The following PAH variants were observed in gnomAD, a reference collection of about 807,000 sequenced individuals.
PAH encodes the protein phenylalanine hydroxylase, also known as phenylalanine-4-hydroxylase.
A neutral mutation model predicts 62.0 loss-of-function variants in PAH; 64 were observed. The ratio of observed to expected loss-of-function variants is 1.03; its 90% CI spans 0.84 to 1.27. The LOEUF (loss-of-function observed/expected upper bound fraction) is 1.27, where lower values mean the gene tolerates loss of function less well. Among genes scored for constraint, PAH ranks in the 50% most tolerant of loss-of-function variants. The probability of loss-of-function intolerance (pLI) is 0.00; values close to 1 mark genes in which losing one functional copy is unlikely to be tolerated. For missense variants in PAH, 579 were observed against 542.8 expected, an observed-to-expected ratio of 1.07 and a Z score of -0.66; for synonymous variants, 195 against 196.2, an observed-to-expected ratio of 0.99 and a Z score of 0.05.
At chr12:102,935,709 C>G (rs924688585) in intron 1 of PAH, among the ~76,000 whole-genome samples, 9 of 149,170 alleles carry the variant, frequency 6.0e-5, no homozygotes, top group African/African-American at 1.2e-4. Flanking sequence ...TCTAATGATC[C>G]TCTAAATTCC....
In PAH at chr12:102,868,038, ACC is replaced by A. The variant is rs1223822408; in HGVS notation, c.442-1377_442-1376del. Reference sequence around the variant, plus strand: ...TATATACATATATACATGTATATACACCTATATATATGTATATATATACACAT... The same window carrying A: ...TATATACATATATACATGTATATACATATATATATGTATATATATACACAT... On this transcript the variant is annotated intron_variant, in intron 4 of 12. Transcript: ENST00000553106. Among the ~76,000 whole-genome samples, 71 of 124,244 alleles carry A rather than the reference ACC, an allele frequency of 5.7e-4. 2 individuals carry two copies. The highest frequency in any genetic ancestry group is 1.5e-3 in the African/African-American group (53 of 34,972). 81.5% of individuals were successfully genotyped at this position (124,244 alleles called of 152,430 possible).
At chr12:102,862,216 T>G (rs989618828) in intron 5 of PAH, among the ~76,000 whole-genome samples, 18 of 152,162 alleles carry the variant, frequency 1.2e-4, no homozygotes, top group African/African-American at 4.3e-4. Context: ...TGGAATACTA[T>G]GTGGCCATAA....
chr12:102,875,950 T>C (rs376922528), intron 4 of PAH, among the ~76,000 whole-genome samples: 1 of 39,080 alleles, frequency 2.6e-5, no homozygotes, highest in African/African-American at 8.1e-5. Flanking sequence ...CATATATATA[T>C]AGACAGAGCG....
chr12:102,924,359 G>GT (rs140026020), intron 1 of PAH, among the ~76,000 whole-genome samples: 4,193 of 149,762 alleles, frequency 0.028, 75 homozygotes, highest in African/African-American at 0.045. Flanking sequence ...AGACTGATGG[G>GT]TTTTTTTTTT....
intron 2 of PAH, among the ~76,000 whole-genome samples, chr12:102,895,693 A>G (rs1471422379): frequency 1.3e-5 from 2 of 151,780 alleles, no homozygotes; most frequent in African/African-American, 4.8e-5. Flanking sequence ...CTGAAAACAC[A>G]AAAGAATTAG....
At chr12:102,937,168 C>G (rs1239907016) in intron 1 of PAH, among the ~76,000 whole-genome samples, 1 of 152,136 alleles carries the variant, frequency 6.6e-6, no homozygotes, top group Non-Finnish European at 1.5e-5. Context: ...AAATCTCTTT[C>G]CTTTGTAAAT....
At chr12:102,940,779 A>G (rs1464905965) in intron 1 of PAH, among the ~76,000 whole-genome samples, 1 of 152,196 alleles carries the variant, frequency 6.6e-6, no homozygotes. Context: ...AATTTTCCCA[A>G]TCTTGTTAGA....
chr12:102,918,672 A>G (rs772552462), upstream of PAH, among the ~76,000 whole-genome samples: 41 of 151,476 alleles, frequency 2.7e-4, no homozygotes, highest in Non-Finnish European at 5.0e-4. Context: ...ACTGTCTGCT[A>G]AGAATACAGA....
chr12:102,908,998 T>C (rs535201295), intron 2 of PAH, among the ~76,000 whole-genome samples: 46 of 152,000 alleles, frequency 3.0e-4, no homozygotes, highest in Non-Finnish European at 5.7e-4. Context: ...GCTAATTTTT[T>C]TGTGTTTTTA....
At chr12:102,926,032 G>A (rs1208410503) in intron 1 of PAH, among the ~76,000 whole-genome samples, 2 of 152,044 alleles carry the variant, frequency 1.3e-5, no homozygotes, top group African/African-American at 2.4e-5. Context: ...TTCAACAAAC[G>A]TTTGTTGAAG....
intron 1 of PAH, among the ~76,000 whole-genome samples, chr12:102,922,459 TG>T (rs1400856949): frequency 6.6e-6 from 1 of 152,240 alleles, no homozygotes; most frequent in African/African-American, 2.4e-5. Context: ...TCCAAACTGC[TG>T]GGATTACAGG....
rs549759532 is a variant in PAH at position 102,933,884 on chromosome 12, A to G, written c.-95-16659T>C. Among the ~76,000 whole-genome samples, 33 of 152,116 alleles carry G rather than the reference A, an allele frequency of 2.2e-4. No homozygotes were observed. In the South Asian group the frequency reaches 5.8e-3, roughly 27 times the overall value. On this transcript the variant is annotated intron_variant, in intron 1 of 3. Transcript: ENST00000546844. ...GTAGAGTTTGCAAATATTTTCTCCC[A>G]TTCTGTGGGTTGTCTCTTCACTTTG... is the stretch of plus-strand genomic sequence containing the variant.
intron 1 of PAH, chr12:102,958,127 T>C (rs887356786): frequency 2.8e-6 from 2 of 703,204 alleles, no homozygotes; most frequent in Admixed American, 8.6e-5. Context: ...CCGCTTCATA[T>C]TTCCTTTTCT....
At chr12:102,897,943 A>G (rs991518569) in intron 2 of PAH, among the ~76,000 whole-genome samples, 1 of 152,224 alleles carries the variant, frequency 6.6e-6, no homozygotes, top group African/African-American at 2.4e-5. Flanking sequence ...TAATTATGCC[A>G]CAGTTTTCTT....
chr12:102,908,728 A>T (rs1167548432), intron 2 of PAH, among the ~76,000 whole-genome samples: 2 of 152,224 alleles, frequency 1.3e-5, no homozygotes, highest in African/African-American at 4.8e-5. Context: ...GATGCACGTT[A>T]TAAACGAAAG....
At position 102,839,235 on chromosome 12, in the gene PAH, C is replaced by T; in HGVS notation, c.1316-17G>A. ...CAATTTCACCTACAAAGAAAAACAC[C>T]ATCAAAATGGGCCACTTGTATAATA... On this transcript the variant is annotated splice_polypyrimidine_tract_variant and intron_variant, in intron 12 of 12. Coordinates refer to ENST00000553106, the MANE Select transcript of PAH (RefSeq NM_000277.3). 6.2e-7 allele frequency: 1 copy of T among 1,613,140 alleles called. No homozygotes were observed. The highest frequency in any genetic ancestry group is 1.3e-5 in the African/African-American group (1 of 74,996).
In PAH at chr12:102,837,184, C is replaced by T. The variant is rs1290038075; in HGVS notation, c.*1991G>A. The T allele has an allele frequency of 6.6e-6, 1 of 152,112 alleles. No individual in the cohort carries two copies. The highest frequency in any genetic ancestry group is 1.5e-5 in the Non-Finnish European group (1 of 68,010). The allele number at this position is 152,112 out of a possible 1,614,324, so 9.4% of individuals were successfully genotyped here. A position where few individuals can be genotyped will look rare whatever the true frequency, so the allele number is the denominator to read the frequency against. ...ATAGCTATAGACTGGGCTTTTATAT[C>T]TGGATAAAAAAGAGCTAAGAACTGA... is the stretch of plus-strand genomic sequence containing the variant. On this transcript the variant is annotated 3_prime_UTR_variant, in exon 13 of 13. Transcript: ENST00000553106.
intron 4 of PAH, among the ~76,000 whole-genome samples, chr12:102,871,938 AAAAAAAAAAAAATATATATAT>A (rs1486953337): frequency 3.5e-3 from 176 of 49,816 alleles, no homozygotes; most frequent in African/African-American, 0.017. Context: ...AAAAAAAAAA[AAAAAAAAAAAAATATATATAT>A]ATATATATAT....
At chr12:102,938,973 G>A (rs1402901639) in intron 1 of PAH, among the ~76,000 whole-genome samples, 1 of 152,086 alleles carries the variant, frequency 6.6e-6, no homozygotes, top group Non-Finnish European at 1.5e-5. Context: ...CATTGCCACG[G>A]CAGCATATCA....
Sources: allele counts gnomAD v4.1 joint callset (sites outside exome capture counted in the v4.1 genomes callset), GRCh38; gene constraint gnomAD v4.1.1; transcripts MANE v1.5; gene names NCBI Gene and HGNC (gene_info 2026-07-23, HGNC 2026-07-21).